Variants in RAI2 observed in about 807,000 individuals in gnomAD.
RAI2 encodes retinoic acid induced 2, also known as retinoic acid-induced protein 2.
Under a neutral mutation model 15.3 loss-of-function variants are expected in RAI2, and 5 were observed. The ratio of observed to expected loss-of-function variants is 0.33; its 90% CI spans 0.17 to 0.69. The LOEUF is 0.69. Ranked by LOEUF, RAI2 falls within the 30% of genes least tolerant of loss-of-function variation. The pLI is 0.69. For missense variants in RAI2, 424 were observed against 424.7 expected (o/e 1.00, Z 0.01); for synonymous variants, 191 against 184.0 (o/e 1.04, Z -0.31).
chrX:17,813,389 G>C (rs868141330), intron 1 of RAI2, among the ~76,000 whole-genome samples: 21 of 111,240 alleles, frequency 1.9e-4, no homozygotes, highest in African/African-American at 6.6e-4. Flanking sequence ...TTCCTTTATT[G>C]GTATAATAAA....
At chrX:17,848,467 C>G (rs1437436990) in intron 1 of RAI2, among the ~76,000 whole-genome samples, 2 of 106,319 alleles carry the variant, frequency 1.9e-5, no homozygotes, top group Non-Finnish European at 3.9e-5. Context: ...TGAGTAACCT[C>G]AACTACTTCT....
Position 17,859,865 on chromosome X carries a change from C to T in RAI2, c.-25+1233G>A, listed in dbSNP as rs1252061589. 6.2e-5 allele frequency among the ~76,000 whole-genome samples: 7 copies of T among 112,356 alleles called. No individual in the cohort carries two copies. The Admixed American group carries it at 6.5e-4, about 10-fold the overall frequency. ...CCCTACCTGACTCTGCAAGCAGCAG[C>T]CACATACCCGATATGGTGTCGGCGC... On this transcript the variant is annotated intron_variant, in intron 1 of 1. Transcript: ENST00000451717.
intron 1 of RAI2, among the ~76,000 whole-genome samples, chrX:17,811,096 T>C (rs913861183): frequency 1.7e-4 from 19 of 112,677 alleles, no homozygotes; most frequent in Middle Eastern, 4.6e-3. Flanking sequence ...GGGGTGATAT[T>C]CATGCAAGGA....
At position 17,801,162 on chromosome X, in the gene RAI2, C is replaced by T. The variant is rs759750208; in HGVS notation, c.849G>A (p.Leu283=). 4.1e-6 allele frequency: 5 copies of T among 1,209,317 alleles called. No individual in the cohort carries two copies. Among genetic ancestry groups the T allele is most frequent in the Non-Finnish European group, 5.6e-6 (5 of 894,938 alleles). ...CAAAGGGCTTCAGTTCATCTTTTTC[C>T]AGAGGGGTCTGGGTGCCTTTAAAGG... ...LHPFKGTQTP[L]EKDELKPFDI... The change falls in exon 2 of 2, where the codon CTG becomes CTA. Residue 283 remains leucine (L), a synonymous_variant. Transcript: ENST00000451717.
intron 1 of RAI2, among the ~76,000 whole-genome samples, chrX:17,844,523 GC>G (rs1305895453): frequency 2.7e-5 from 3 of 112,784 alleles, no homozygotes; most frequent in African/African-American, 6.4e-5. Context: ...AGACCAGCCT[GC>G]CCCAAACCCT....
chrX:17,812,551 T>C (rs1255180807), intron 1 of RAI2, among the ~76,000 whole-genome samples: 1 of 112,105 alleles, frequency 8.9e-6, no homozygotes, highest in Admixed American at 9.5e-5. Flanking sequence ...GCCAGAACCT[T>C]TTGTATCTTG....
chrX:17,802,041 C>T lies in RAI2; in HGVS notation c.-24-7G>A. 5.1e-6 allele frequency: 6 copies of T among 1,165,732 alleles called. No individual in the cohort carries two copies. The highest frequency in any genetic ancestry group is 6.9e-6 in the Non-Finnish European group (6 of 869,704). On this transcript the variant is annotated splice_region_variant and splice_polypyrimidine_tract_variant and intron_variant, in intron 1 of 1. Coordinates refer to ENST00000451717, the MANE Select transcript of RAI2 (RefSeq NM_021785.6). ...AGCTCTGATGCCACTTGGCCTGCAA[C>T]ACAGAACATACAATATGAATCTTCC...
intron 1 of RAI2, among the ~76,000 whole-genome samples, chrX:17,815,877 A>G (rs1440383009): frequency 9.0e-6 from 1 of 111,103 alleles, no homozygotes; most frequent in Non-Finnish European, 1.9e-5. Context: ...AACCGACACA[A>G]TCTTGATGTT....
At chrX:17,833,043 C>G (rs1313230116) in intron 1 of RAI2, among the ~76,000 whole-genome samples, 1 of 111,519 alleles carries the variant, frequency 9.0e-6, no homozygotes, top group African/African-American at 3.3e-5. Flanking sequence ...AAGGGAAAAG[C>G]CAAAAACAAC....
chrX:17,810,617 G>A (rs1052878440), intron 1 of RAI2, among the ~76,000 whole-genome samples: 1 of 111,952 alleles, frequency 8.9e-6, no homozygotes, highest in African/African-American at 3.2e-5. Flanking sequence ...TAGCCTCCCA[G>A]GAGCTGCCGG....
chrX:17,844,096 G>A (rs184178271), intron 1 of RAI2, among the ~76,000 whole-genome samples: 87 of 112,139 alleles, frequency 7.8e-4, no homozygotes, highest in African/African-American at 2.7e-3. Flanking sequence ...TGCTGATGCC[G>A]CTCCAGACAC....
intron 1 of RAI2, among the ~76,000 whole-genome samples, chrX:17,843,447 T>C (rs1255861727): frequency 8.9e-6 from 1 of 112,642 alleles, no homozygotes; most frequent in Non-Finnish European, 1.9e-5. Flanking sequence ...TGTGCCTGGA[T>C]GAACTGATCA....
intron 1 of RAI2, among the ~76,000 whole-genome samples, chrX:17,839,727 T>C (rs1002384382): frequency 8.9e-6 from 1 of 112,477 alleles, no homozygotes; most frequent in Non-Finnish European, 1.9e-5. Context: ...AGCTCTTTTG[T>C]GTTATGAAGA....
At chrX:17,837,163 G>A (rs1350235015) in intron 1 of RAI2, among the ~76,000 whole-genome samples, 3 of 111,697 alleles carry the variant, frequency 2.7e-5, no homozygotes, top group African/African-American at 9.8e-5. Context: ...GCAGGGGTTC[G>A]AAGTGAGCAC....
intron 1 of RAI2, among the ~76,000 whole-genome samples, chrX:17,820,795 G>C (rs1411419121): frequency 9.0e-6 from 1 of 111,175 alleles, no homozygotes; most frequent in Non-Finnish European, 1.9e-5. Context: ...GCTGAACACA[G>C]AATCATATTT....
At position 17,800,705 on chromosome X, in the gene RAI2, C is replaced by T. The variant is rs1439266785; in HGVS notation, c.1306G>A (p.Ala436Thr). 8.3e-7 allele frequency: 1 copy of T among 1,211,596 alleles called. No homozygotes were observed. Among genetic ancestry groups the T allele is most frequent in the Admixed American group, 2.2e-5 (1 of 46,050 alleles). The part of the protein sequence containing the change: ...NNIEMVGESQ[A>T]AKVIVSVEDA... ...TCGACAGAGACAATGACCTTGGCCG[C>T]CTGGGACTCGCCCACCATCTCAATG... Residue 436 changes from alanine to threonine, a missense_variant, in exon 2 of 2, where the codon GCG (alanine) becomes ACG (threonine). Coordinates refer to ENST00000451717, the MANE Select transcript of RAI2 (RefSeq NM_021785.6).
chrX:17,843,631 G>T (rs2067424761), intron 1 of RAI2, among the ~76,000 whole-genome samples: 1 of 112,017 alleles, frequency 8.9e-6, no homozygotes, highest in Non-Finnish European at 1.9e-5. Context: ...AACTAACAGG[G>T]TCTGTGAGGG....
chrX:17,840,302 A>G (rs973220721), intron 1 of RAI2, among the ~76,000 whole-genome samples: 1 of 110,640 alleles, frequency 9.0e-6, no homozygotes, highest in Non-Finnish European at 1.9e-5. Context: ...CCTTCCTTTT[A>G]TCCATCATCA....
At chrX:17,837,470 T>C (rs866190409) in intron 1 of RAI2, 3 of 112,087 alleles carry the variant, frequency 2.7e-5, no homozygotes, top group Middle Eastern at 9.3e-3. Context: ...AATCTTGGCA[T>C]TGGAGCCCAA....
Sources: allele counts gnomAD v4.1 joint callset (sites outside exome capture counted in the v4.1 genomes callset), GRCh38; gene constraint gnomAD v4.1.1; transcripts MANE v1.5; gene names NCBI Gene and HGNC (gene_info 2026-07-23, HGNC 2026-07-21).